Variants in ZFYVE9 observed in about 807,000 individuals in gnomAD.
The protein encoded by ZFYVE9 is zinc finger FYVE-type containing 9, also known as zinc finger FYVE domain-containing protein 9.
Under a neutral mutation model 126.7 loss-of-function variants are expected in ZFYVE9, and 43 were observed. That is an observed-to-expected ratio of 0.34 (90% CI 0.27 to 0.44). The LOEUF is 0.44. Ranked by LOEUF, ZFYVE9 falls within the 20% of genes least tolerant of loss-of-function variation. The probability of loss-of-function intolerance (pLI) is 1.00; values close to 1 mark genes in which losing one functional copy is unlikely to be tolerated. For missense variants in ZFYVE9, 1,476 were observed against 1,697.0 expected (o/e 0.87, Z 2.29); for synonymous variants, 521 against 597.4 (o/e 0.87, Z 1.87).
intron 13 of ZFYVE9, among the ~76,000 whole-genome samples, chr1:52,320,287 C>T (rs1002473385): frequency 1.3e-5 from 2 of 152,022 alleles, no homozygotes; most frequent in African/African-American, 4.8e-5. Flanking sequence ...CCAGGCTGGT[C>T]TCGAACTCCT....
intron 13 of ZFYVE9, among the ~76,000 whole-genome samples, chr1:52,312,835 G>C (rs997675988): frequency 6.6e-6 from 1 of 152,182 alleles, no homozygotes; most frequent in Non-Finnish European, 1.5e-5. Context: ...GGATTGAATT[G>C]TGTCCCTCTA....
chr1:52,198,063 C>G (rs1310694087), intron 1 of ZFYVE9, among the ~76,000 whole-genome samples: 1 of 149,724 alleles, frequency 6.7e-6, no homozygotes, highest in African/African-American at 2.5e-5. Flanking sequence ...GGAAGAGCAC[C>G]TATAGGCAGA....
intron 1 of ZFYVE9, among the ~76,000 whole-genome samples, chr1:52,199,912 T>A (rs1228071395): frequency 6.6e-6 from 1 of 152,228 alleles, no homozygotes; most frequent in Non-Finnish European, 1.5e-5. Flanking sequence ...TATTTTAATT[T>A]GTGTTTTCCT....
intron 9 of ZFYVE9, among the ~76,000 whole-genome samples, chr1:52,279,517 G>A (rs1194846039): frequency 6.6e-6 from 1 of 152,170 alleles, no homozygotes; most frequent in East Asian, 1.9e-4. Context: ...AGGCTGGATT[G>A]CAGTGGCATG....
intron 13 of ZFYVE9, among the ~76,000 whole-genome samples, chr1:52,310,449 G>T (rs934983819): frequency 7.3e-5 from 11 of 150,694 alleles, no homozygotes; most frequent in African/African-American, 2.7e-4. Flanking sequence ...TAGTGAATGT[G>T]TATAGTCCTA....
At chr1:52,247,463 ATTG>A (rs1477750031) in intron 4 of ZFYVE9, among the ~76,000 whole-genome samples, 4 of 152,026 alleles carry the variant, frequency 2.6e-5, no homozygotes, top group Non-Finnish European at 5.9e-5. Context: ...ATGCATTCAC[ATTG>A]TTGTTGTACA....
intron 1 of ZFYVE9, among the ~76,000 whole-genome samples, chr1:52,149,425 T>C (rs1644334293): frequency 6.6e-6 from 1 of 152,136 alleles, no homozygotes; most frequent in African/African-American, 2.4e-5. Context: ...AAGGCAATTG[T>C]AATGCCTGAG....
At chr1:52,239,666 G>C (rs2124632246) in intron 4 of ZFYVE9, 71 bp downstream of exon 4, 1 of 1,496,714 alleles carries the variant, frequency 6.7e-7, no homozygotes, top group Admixed American at 2.2e-5. Flanking sequence ...AGTAATAAAG[G>C]CAATGTAAGG....
intron 1 of ZFYVE9, among the ~76,000 whole-genome samples, chr1:52,176,494 G>C (rs577089424): frequency 6.6e-6 from 1 of 152,214 alleles, no homozygotes; most frequent in Non-Finnish European, 1.5e-5. Flanking sequence ...CCACCTGTGT[G>C]CTGGGAGAAC....
At position 52,194,618 on chromosome 1, in the gene ZFYVE9, G is replaced by GTATA. The variant is rs567399433; in HGVS notation, c.-142-21748_-142-21745dup. On this transcript the variant is annotated intron_variant, in intron 1 of 18. Transcript: ENST00000287727. ...ATTAGAGCATGAAGAAAAAATTCTTGTATATACCCATTTGAGGAAATAAAA... is the reference window on the plus strand; with the variant it reads ...ATTAGAGCATGAAGAAAAAATTCTTGTATATATATACCCATTTGAGGAAATAAAA... Among the ~76,000 whole-genome samples the GTATA allele has an allele frequency of 2.4e-3, 365 of 152,218 alleles. 1 individual carries two copies. Among genetic ancestry groups the GTATA allele is most frequent in the Non-Finnish European group, 4.3e-3 (295 of 67,976 alleles).
chr1:52,155,744 G>A (rs1439246000), intron 1 of ZFYVE9, among the ~76,000 whole-genome samples: 1 of 152,158 alleles, frequency 6.6e-6, no homozygotes, highest in East Asian at 1.9e-4. Flanking sequence ...ACCAGTATAT[G>A]GGCCACAGTG....
At position 52,346,333 on chromosome 1, in the gene ZFYVE9, G is replaced by T. The variant is rs1646483532; in HGVS notation, c.*112G>T. 2.8e-6 allele frequency: 3 copies of T among 1,072,932 alleles called. No homozygotes were observed. Among genetic ancestry groups the T allele is most frequent in the Non-Finnish European group, 3.9e-6 (3 of 777,694 alleles). 66.5% of individuals were successfully genotyped at this position (1,072,932 alleles called of 1,614,324 possible). A position where few individuals can be genotyped will look rare whatever the true frequency, so the allele number is the denominator to read the frequency against. On this transcript the variant is annotated 3_prime_UTR_variant, in exon 19 of 19. Coordinates refer to ENST00000287727, the MANE Select transcript of ZFYVE9 (RefSeq NM_004799.4). ...AGCTTTTGTTAACACTATTAATGGG[G>T]TGGGGAATAGGGTGGGAGTGGGGGT...
At chr1:52,195,394 C>A (rs555748099) in intron 1 of ZFYVE9, among the ~76,000 whole-genome samples, 1 of 152,150 alleles carries the variant, frequency 6.6e-6, no homozygotes. Context: ...CACTTAAATT[C>A]TTTTTGCCTC....
chr1:52,243,267 A>C (rs145074970), intron 4 of ZFYVE9, among the ~76,000 whole-genome samples: 1 of 152,334 alleles, frequency 6.6e-6, no homozygotes, highest in Non-Finnish European at 1.5e-5. Context: ...AAACAAAACA[A>C]AACAAAAAAA....
chr1:52,186,697 C>T (rs1227406845), intron 1 of ZFYVE9, among the ~76,000 whole-genome samples: 7 of 152,212 alleles, frequency 4.6e-5, no homozygotes, highest in African/African-American at 1.2e-4. Context: ...AAATTAGAAA[C>T]GCAATCCCAT....
intron 2 of ZFYVE9, among the ~76,000 whole-genome samples, chr1:52,220,847 G>A (rs889740221): frequency 2.6e-4 from 39 of 152,254 alleles, no homozygotes; most frequent in African/African-American, 9.4e-4. Context: ...ATGGAAAATG[G>A]GTGCCTTTTC....
chr1:52,180,417 C>T (rs569068333), intron 1 of ZFYVE9: 1 of 1,462,634 alleles, frequency 6.8e-7, no homozygotes, highest in Non-Finnish European at 9.5e-7. Context: ...AGATGAGTTG[C>T]AGTGAAAACT....
intron 4 of ZFYVE9, chr1:52,253,849 T>G: frequency 7.4e-7 from 1 of 1,348,084 alleles, no homozygotes; most frequent in Non-Finnish European, 1.1e-6. Flanking sequence ...AGTTAAGACA[T>G]TATATATTTA....
chr1:52,180,403 C>T (rs544086522), intron 1 of ZFYVE9: 1 of 1,506,870 alleles, frequency 6.6e-7, no homozygotes, highest in African/African-American at 1.4e-5. Context: ...ATTAACCTGA[C>T]AAGAGATGAG....
Sources: gnomAD v4.1 joint callset for allele counts (sites outside exome capture counted in the v4.1 genomes callset) on GRCh38, gnomAD v4.1.1 for gene constraint, MANE v1.5 for transcripts, NCBI Gene and HGNC (gene_info 2026-07-23, HGNC 2026-07-21) for gene names.